MED13: variants seen among roughly 807,000 people sequenced by gnomAD.
MED13 encodes mediator of RNA polymerase II transcription subunit 13.
A neutral mutation model predicts 225.2 loss-of-function variants in MED13; 23 were observed. The observed-to-expected ratio is 0.10, with a 90% CI of 0.07 to 0.14. The LOEUF is 0.14. Among genes scored for constraint, MED13 ranks in the 10% least tolerant of loss-of-function variants. MED13 has a pLI of 1.00. For missense variants in MED13, 2,197 were observed against 2,594.5 expected, an observed-to-expected ratio of 0.85 and a Z score of 3.33; for synonymous variants, 942 against 889.2, an observed-to-expected ratio of 1.06 and a Z score of -1.06.
At chr17:61,950,584 A>C (rs1338076952) in intron 28 of MED13, among the ~76,000 whole-genome samples, 2 of 152,154 alleles carry the variant, frequency 1.3e-5, no homozygotes, top group Admixed American at 1.3e-4. Flanking sequence ...AGGTTTCGCC[A>C]TGTTGGCCAG....
chr17:62,054,739 CAT>C (rs2080983674), intron 2 of MED13, among the ~76,000 whole-genome samples: 2 of 152,222 alleles, frequency 1.3e-5, no homozygotes, highest in South Asian at 2.1e-4. Flanking sequence ...CTAGAATATA[CAT>C]GTTCTTAATT....
At position 61,965,329 on chromosome 17, in the gene MED13, T is replaced by A. The variant is rs529840872; in HGVS notation, c.4521A>T (p.Ala1507=). 1 of 1,614,126 alleles carries A rather than the reference T, an allele frequency of 6.2e-7. No homozygotes were observed. The highest frequency in any genetic ancestry group is 1.3e-5 in the African/African-American group (1 of 74,940). Reference sequence around the variant, plus strand: ...CTGTCATAGTGCTGCTCGCTGCAGATGCTAAGGTGGCAGATGGAGTATTAG... The same window carrying A: ...CTGTCATAGTGCTGCTCGCTGCAGAAGCTAAGGTGGCAGATGGAGTATTAG... The part of the protein sequence containing the change: ...GNANTPSATL[A]SAASSTMTVT... The change falls in exon 20 of 30, where the codon GCA becomes GCT. Residue 1507 remains alanine, a synonymous_variant. Coordinates refer to ENST00000397786, the MANE Select transcript of MED13 (RefSeq NM_005121.3).
chr17:62,019,751 T>C (rs1473868159), intron 8 of MED13, among the ~76,000 whole-genome samples: 1 of 151,708 alleles, frequency 6.6e-6, no homozygotes, highest in Non-Finnish European at 1.5e-5. Context: ...TTTTTCTTTT[T>C]TTTTTTTTTG....
intron 11 of MED13, among the ~76,000 whole-genome samples, chr17:61,988,965 C>G (rs186530648): frequency 6.6e-6 from 1 of 152,056 alleles, no homozygotes; most frequent in Non-Finnish European, 1.5e-5. Context: ...ATTCCCCTAC[C>G]CCCAGTCTCT....
At chr17:62,061,469 A>G (rs1167836214) in intron 2 of MED13, among the ~76,000 whole-genome samples, 1 of 152,264 alleles carries the variant, frequency 6.6e-6, no homozygotes, top group East Asian at 1.9e-4. Context: ...TAGTCTGTTT[A>G]GATGCTCTGC....
At chr17:62,058,496 G>C (rs375025576) in intron 2 of MED13, among the ~76,000 whole-genome samples, 1 of 146,922 alleles carries the variant, frequency 6.8e-6, no homozygotes, top group East Asian at 2.0e-4. Context: ...ACTCCAGCCT[G>C]GGAGACAGAG....
At chr17:62,059,121 G>A (rs1283929272) in intron 2 of MED13, among the ~76,000 whole-genome samples, 1 of 152,012 alleles carries the variant, frequency 6.6e-6, no homozygotes, top group Non-Finnish European at 1.5e-5. Context: ...AATGTAATAG[G>A]GGTATCTTAA....
chr17:62,020,697 TTTTTTTTTTA>T (rs1380617981), intron 8 of MED13, among the ~76,000 whole-genome samples: 1 of 150,640 alleles, frequency 6.6e-6, no homozygotes, highest in Non-Finnish European at 1.5e-5. Flanking sequence ...TTTTTTTTTT[TTTTTTTTTTA>T]ATTGATCATT....
In MED13 at chr17:61,982,526, T is replaced by C. The variant is rs1423021656; in HGVS notation, c.3477A>G (p.Ala1159=). The change falls in exon 16 of 30, where the codon GCA becomes GCG. Residue 1159 remains alanine, a synonymous_variant. Coordinates refer to ENST00000397786, the MANE Select transcript of MED13 (RefSeq NM_005121.3). The part of the protein sequence containing the change: ...IGRNTDCGKE[A]EKRFEALRAT... Reference sequence around the variant, plus strand: ...CCCTGAGAGCTTCAAAACGTTTTTCTGCTTCTTTGCCACAGTCTGTATTGC... The same window carrying C: ...CCCTGAGAGCTTCAAAACGTTTTTCCGCTTCTTTGCCACAGTCTGTATTGC... The C allele has an allele frequency of 6.2e-7, 1 of 1,614,110 alleles. No homozygotes were observed. The highest frequency in any genetic ancestry group is 8.5e-7 in the Non-Finnish European group (1 of 1,180,032).
At chr17:62,015,568 CTTTTAA>C (rs2080555199) in intron 8 of MED13, among the ~76,000 whole-genome samples, 1 of 151,484 alleles carries the variant, frequency 6.6e-6, no homozygotes, top group East Asian at 1.9e-4. Flanking sequence ...ACTGTTTGAA[CTTTTAA>C]TTTTATTTAT....
rs555916844 is a variant in MED13, at chr17:61,961,805, A to C, written c.5065-26T>G. On this transcript the variant is annotated intron_variant, in intron 21 of 29. Coordinates refer to ENST00000397786, the MANE Select transcript of MED13 (RefSeq NM_005121.3). ...CTAAGAAGTATAGGCAAATATTACA[A>C]ATGTTAAACTTCCAAAAGAGAATAA... 42 of 1,593,756 alleles carry C rather than the reference A, an allele frequency of 2.6e-5. No individual in the cohort carries two copies. In the South Asian group the frequency reaches 4.4e-4, roughly 17 times the overall value.
chr17:62,022,175 ATATAT>A (rs143432543), intron 8 of MED13, among the ~76,000 whole-genome samples: 3 of 104,442 alleles, frequency 2.9e-5, no homozygotes, highest in South Asian at 2.6e-4. Context: ...CAAAAAAAAA[ATATAT>A]ATATATATAT....
chr17:61,952,952 G>A lies in MED13; in HGVS notation c.6117+13C>T. 6.2e-7 allele frequency: 1 copy of A among 1,609,064 alleles called. No homozygotes were observed. The highest frequency in any genetic ancestry group is 8.5e-7 in the Non-Finnish European group (1 of 1,178,572). On this transcript the variant is annotated intron_variant, in intron 27 of 29. Transcript: ENST00000397786. ...GCCCGGCCGAGAAAAACTAAAACTTGTAACACAGTTACCTTGCCCGCATCA... is the reference window on the plus strand; with the variant it reads ...GCCCGGCCGAGAAAAACTAAAACTTATAACACAGTTACCTTGCCCGCATCA...
chr17:62,020,030 C>G (rs1227858395), intron 8 of MED13, among the ~76,000 whole-genome samples: 1 of 152,082 alleles, frequency 6.6e-6, no homozygotes, highest in Non-Finnish European at 1.5e-5. Context: ...AGGTGTGAAC[C>G]ACTGCGCAAG....
Position 62,029,942 on chromosome 17 carries a change from T to C in MED13, c.1081A>G (p.Ser361Gly). 1 of 1,613,980 alleles carries C rather than the reference T, an allele frequency of 6.2e-7. No individual in the cohort carries two copies. Among genetic ancestry groups the C allele is most frequent in the Non-Finnish European group, 8.5e-7 (1 of 1,179,960 alleles). ...VSDGFNSDST[S>G]HHGGKIPRKL... ...CTGGGTATTTTCCCACCATGGTGGC[T>C]AGTACTATCGGAGTTGAAGCCATCA... The change falls in exon 7 of 30, where the codon AGC becomes GGC. Residue 361 changes from serine (S) to glycine (G), a missense_variant. By Grantham distance (56) the Ser-to-Gly change is moderately conservative (BLOSUM62 0). This residue lies in a region of MED13 where 884 missense variants were observed against 918.5 expected (regional missense o/e 0.96). Coordinates refer to ENST00000397786, the MANE Select transcript of MED13 (RefSeq NM_005121.3).
intron 2 of MED13, among the ~76,000 whole-genome samples, chr17:62,058,812 T>G (rs1170626670): frequency 6.6e-6 from 1 of 152,242 alleles, no homozygotes; most frequent in Non-Finnish European, 1.5e-5. Flanking sequence ...TCAACGGTAT[T>G]GACTTACTGC....
chr17:62,059,340 A>G (rs1165432973), intron 2 of MED13, among the ~76,000 whole-genome samples: 2 of 152,224 alleles, frequency 1.3e-5, no homozygotes, highest in Non-Finnish European at 2.9e-5. Context: ...GAGAATTCTA[A>G]TCTTTGAAAA....
chr17:62,005,799 C>A (rs2080441414), intron 9 of MED13: 1 of 152,190 alleles, frequency 6.6e-6, no homozygotes, highest in Non-Finnish European at 1.5e-5. Flanking sequence ...TGCAATCCCA[C>A]CACTATCAGC....
chr17:62,055,771 G>A (rs1024775190), intron 2 of MED13, among the ~76,000 whole-genome samples: 5 of 151,838 alleles, frequency 3.3e-5, no homozygotes, highest in East Asian at 1.9e-4. Context: ...GCAGTAAACC[G>A]AGATCACGCC....
Sources: allele counts gnomAD v4.1 joint callset (sites outside exome capture counted in the v4.1 genomes callset), GRCh38; gene constraint gnomAD v4.1.1; regional missense constraint gnomAD v4.1.1; transcripts MANE v1.5; gene names NCBI Gene and HGNC (gene_info 2026-07-23, HGNC 2026-07-21).